Variants in SPPL3 observed in about 807,000 individuals in gnomAD.
SPPL3 encodes signal peptide peptidase like 3, also known as signal peptide peptidase-like 3.
SPPL3 carries 5 observed loss-of-function variants against 42.4 expected under a neutral mutation model. The observed-to-expected ratio is 0.12, with a 90% confidence interval of 0.06 to 0.25. The LOEUF (loss-of-function observed/expected upper bound fraction) is 0.25. Ranked by LOEUF, SPPL3 falls within the 10% of genes least tolerant of loss-of-function variation. The pLI is 1.00. For missense variants in SPPL3, 235 were observed against 489.0 expected (o/e 0.48, Z 4.90); for synonymous variants, 195 against 181.8 (o/e 1.07, Z -0.58).
At chr12:120,812,865 G>C (rs894652700) in intron 1 of SPPL3, among the ~76,000 whole-genome samples, 1 of 152,112 alleles carries the variant, frequency 6.6e-6, no homozygotes, top group African/African-American at 2.4e-5. Flanking sequence ...GATTAAATGA[G>C]GAATTCATAT....
At position 120,764,782 on chromosome 12, in the gene SPPL3, G is replaced by C. The variant is rs1395223004; in HGVS notation, c.*217C>G. The C allele has an allele frequency of 7.5e-6, 4 of 533,284 alleles. No homozygotes were observed. The African/African-American group carries it at 7.7e-5, about 10-fold the overall frequency. 33.0% of individuals were successfully genotyped at this position (533,284 alleles called of 1,614,324 possible). ...GGAGAGGCCTGTCCCTCTTGGAAGG[G>C]GCCCCACCTCTACATCCGCAGGAAG... On this transcript the variant is annotated 3_prime_UTR_variant, in exon 11 of 11. Coordinates refer to ENST00000353487, the MANE Select transcript of SPPL3 (RefSeq NM_139015.5).
intron 3 of SPPL3, among the ~76,000 whole-genome samples, chr12:120,790,630 C>A (rs1869883811): frequency 6.6e-6 from 1 of 152,150 alleles, no homozygotes; most frequent in South Asian, 2.1e-4. Flanking sequence ...CTTATCTGAC[C>A]CATTGCTGCT....
At chr12:120,862,246 T>C (rs1308044942) in intron 1 of SPPL3, among the ~76,000 whole-genome samples, 1 of 152,256 alleles carries the variant, frequency 6.6e-6, no homozygotes, top group East Asian at 1.9e-4. Context: ...GATCTGTTTC[T>C]ACTCTTAACA....
chr12:120,897,512 A>G (rs1029369842), intron 1 of SPPL3, among the ~76,000 whole-genome samples: 4 of 152,086 alleles, frequency 2.6e-5, no homozygotes, highest in Admixed American at 1.3e-4. Context: ...TCATGAGGTC[A>G]GGAGATCAAG....
At position 120,784,556 on chromosome 12, in the gene SPPL3, A is replaced by G. The variant is rs1437534937; in HGVS notation, c.228T>C (p.Leu76=). Residue 76 remains leucine, a synonymous_variant, in exon 4 of 11, where the codon CTT becomes CTC. Coordinates refer to ENST00000353487, the MANE Select transcript of SPPL3 (RefSeq NM_139015.5). The part of the protein sequence containing the change: ...QTIDSTQALF[L]PIGASVSLLV... ...AAAGAGAGACAGATGCTCCAATTGG[A>G]AGGAACAGAGCCTGGGTAGAGTCAA... The G allele has an allele frequency of 6.2e-7, 1 of 1,612,988 alleles. No homozygotes were observed. The highest frequency in any genetic ancestry group is 8.5e-7 in the Non-Finnish European group (1 of 1,179,424).
At chr12:120,785,607 C>G (rs1869694527) in intron 3 of SPPL3, among the ~76,000 whole-genome samples, 1 of 151,746 alleles carries the variant, frequency 6.6e-6, no homozygotes, top group African/African-American at 2.4e-5. Flanking sequence ...CAAATTAACT[C>G]TATTGAGATG....
At chr12:120,771,360 C>A (rs1394773734) in intron 6 of SPPL3, among the ~76,000 whole-genome samples, 1 of 152,240 alleles carries the variant, frequency 6.6e-6, no homozygotes, top group East Asian at 1.9e-4. Context: ...CGCTTCAGTG[C>A]TCTGCATTTA....
At chr12:120,863,858 T>C (rs753466127) in intron 1 of SPPL3, among the ~76,000 whole-genome samples, 1 of 151,682 alleles carries the variant, frequency 6.6e-6, no homozygotes, top group Non-Finnish European at 1.5e-5. Flanking sequence ...TCTTTTTTTC[T>C]TGCAGAGATG....
rs1395904855 is a variant in SPPL3, at chr12:120,767,588, G to A, written c.779C>T (p.Thr260Ile). The change falls in exon 9 of 11, where the codon ACT becomes ATT. Residue 260 changes from threonine to isoleucine, a missense_variant. By Grantham distance (89) the Thr-to-Ile change is moderately conservative. Transcript: ENST00000353487. ...LPGKLVFPSS[T>I]GSHFSMLGIG... ...GCCCAACATGGAGAAGTGGCTGCCAGTGGAGCTGGAATGCAGTTTCACAGG... is the reference window on the plus strand; with the variant it reads ...GCCCAACATGGAGAAGTGGCTGCCAATGGAGCTGGAATGCAGTTTCACAGG... The A allele has an allele frequency of 6.2e-7, 1 of 1,614,088 alleles. No individual in the cohort carries two copies. The highest frequency in any genetic ancestry group is 8.5e-7 in the Non-Finnish European group (1 of 1,179,926).
At position 120,763,921 on chromosome 12, in the gene SPPL3, G is replaced by A. The variant is rs537327829; in HGVS notation, c.*1078C>T. The A allele has an allele frequency of 2.0e-5, 3 of 150,624 alleles. No homozygotes were observed. The South Asian group carries it at 6.3e-4, about 32-fold the overall frequency. 9.3% of individuals were successfully genotyped at this position (150,624 alleles called of 1,614,324 possible). A position where few individuals can be genotyped will look rare whatever the true frequency, so the allele number is the denominator to read the frequency against. ...AGAAAATAGAAAAATGTATTTACAA[G>A]TAGTACGTTACTATGATGAGAAAGC... On this transcript the variant is annotated 3_prime_UTR_variant, in exon 11 of 11. Coordinates refer to ENST00000353487, the MANE Select transcript of SPPL3 (RefSeq NM_139015.5).
rs184860193 is a variant in SPPL3, at chr12:120,901,284, A to G, written c.23+2561T>C. Among the ~76,000 whole-genome samples, 31 of 152,244 alleles carry G rather than the reference A, an allele frequency of 2.0e-4. 2 individuals are homozygous for G. The highest frequency in any genetic ancestry group is 1.7e-3 in the Admixed American group (26 of 15,282). On this transcript the variant is annotated intron_variant, in intron 1 of 10. Coordinates refer to ENST00000353487, the MANE Select transcript of SPPL3 (RefSeq NM_139015.5). ...TATTATATTATTAGTCAGTTGAATC[A>G]GGAACAACTATTAAATAGGAAGCTG...
At chr12:120,795,544 C>T (rs572304320) in intron 2 of SPPL3, among the ~76,000 whole-genome samples, 5 of 152,174 alleles carry the variant, frequency 3.3e-5, no homozygotes, top group South Asian at 2.1e-4. Flanking sequence ...TTAAAGCTAC[C>T]GTTACATTGA....
intron 1 of SPPL3, chr12:120,845,057 G>C (rs943390658): frequency 1.1e-5 from 3 of 280,746 alleles, no homozygotes; most frequent in African/African-American, 6.9e-5. Context: ...CCAAGTGTTT[G>C]CCACGAGAGT....
chr12:120,873,487 C>T (rs949212085), intron 1 of SPPL3, among the ~76,000 whole-genome samples: 4 of 152,092 alleles, frequency 2.6e-5, no homozygotes, highest in Admixed American at 2.6e-4. Context: ...AAAACCACAT[C>T]AAGGCACATC....
intron 3 of SPPL3, among the ~76,000 whole-genome samples, chr12:120,789,863 C>T (rs1869856661): frequency 7.1e-6 from 1 of 140,552 alleles, no homozygotes; most frequent in African/African-American, 2.8e-5. Flanking sequence ...AGCTGTATTA[C>T]CAGGTAACTT....
intron 1 of SPPL3, among the ~76,000 whole-genome samples, chr12:120,820,221 A>C (rs1406968684): frequency 6.6e-6 from 1 of 152,072 alleles, no homozygotes; most frequent in Non-Finnish European, 1.5e-5. Context: ...ATGCAAAAAA[A>C]CTTGTATTCC....
chr12:120,830,941 G>A (rs1871407569), intron 1 of SPPL3, among the ~76,000 whole-genome samples: 1 of 152,164 alleles, frequency 6.6e-6, no homozygotes, highest in African/African-American at 2.4e-5. Context: ...CTGTGTGTGA[G>A]AGTGTTTCTG....
chr12:120,794,587 G>A (rs1042131623), intron 2 of SPPL3, among the ~76,000 whole-genome samples: 3 of 151,954 alleles, frequency 2.0e-5, no homozygotes, highest in Admixed American at 6.6e-5. Flanking sequence ...TAGTAGAGAC[G>A]GGGTTTCACT....
chr12:120,778,371 C>A lies in SPPL3; in HGVS notation c.502+4284G>T, dbSNP rs182773636. ...ACCTCAGGTGATGCGCCTGCCTCAG[C>A]CTCCCAAAGTGCTGGGATTACAAGC... On this transcript the variant is annotated intron_variant, in intron 6 of 10. Coordinates refer to ENST00000353487, the MANE Select transcript of SPPL3 (RefSeq NM_139015.5). Among the ~76,000 whole-genome samples the A allele has an allele frequency of 6.7e-4, 102 of 152,136 alleles. No individual in the cohort carries two copies. In the East Asian group the frequency reaches 0.019, roughly 29 times the overall value.
Sources: allele counts gnomAD v4.1 joint callset (sites outside exome capture counted in the v4.1 genomes callset), GRCh38; gene constraint gnomAD v4.1.1; transcripts MANE v1.5; gene names NCBI Gene and HGNC (gene_info 2026-07-23, HGNC 2026-07-21).